Variants in IPO7 observed in about 807,000 individuals in gnomAD.
IPO7 encodes the protein importin-7.
In IPO7, 13 loss-of-function variants were observed where a neutral mutation model predicts 136.4. That is an observed-to-expected ratio of 0.10 (90% CI 0.06 to 0.15). The LOEUF (loss-of-function observed/expected upper bound fraction) is 0.15, where lower values mean the gene tolerates loss of function less well. Among genes scored for constraint, IPO7 ranks in the 10% least tolerant of loss-of-function variants. The pLI is 1.00. For synonymous variants in IPO7, 403 were observed against 404.4 expected, an observed-to-expected ratio of 1.00 and a Z score of 0.04; for missense variants, 857 against 1,240.6, an observed-to-expected ratio of 0.69 and a Z score of 4.65.
chr11:9,435,143 G>C, intron 19 of IPO7, 112 bp downstream of exon 19: 1 of 699,554 alleles, frequency 1.4e-6, no homozygotes, highest in Non-Finnish European at 2.5e-6. Context: ...ACATGGATCT[G>C]ACAGAATTAA....
chr11:9,407,421 G>T (rs1590433487), intron 2 of IPO7, among the ~76,000 whole-genome samples: 2 of 152,120 alleles, frequency 1.3e-5, no homozygotes, highest in East Asian at 3.9e-4. Context: ...GGGCATGGTG[G>T]TGCATGCCTG....
chr11:9,435,073 A>G (rs375820789), intron 19 of IPO7, 42 bp downstream of exon 19: 43 of 1,164,550 alleles, frequency 3.7e-5, no homozygotes, highest in Non-Finnish European at 4.7e-5. Flanking sequence ...GGCTTCTGCT[A>G]TAAAATGTAT....
At chr11:9,403,178 G>C (rs973644438) in intron 1 of IPO7, 112 bp from the exon 2 acceptor site, 2 of 725,660 alleles carry the variant, frequency 2.8e-6, no homozygotes, top group Non-Finnish European at 2.4e-6. Flanking sequence ...AACCAGTTAT[G>C]AAGAGCCTTT....
intron 8 of IPO7, 42 bp from the exon 9 acceptor site, chr11:9,422,964 T>G (rs1855155365): frequency 2.2e-6 from 3 of 1,358,552 alleles, no homozygotes; most frequent in Non-Finnish European, 3.0e-6. Context: ...GGTTGAAATT[T>G]CTATTTGAAC....
chr11:9,408,335 C>T, intron 2 of IPO7, 151 bp from the exon 3 acceptor site: 1 of 432,772 alleles, frequency 2.3e-6, no homozygotes, highest in East Asian at 3.7e-5. Context: ...GCATTATCAA[C>T]TTTAAAAATA....
chr11:9,411,682 G>A (rs1486491812), intron 4 of IPO7, among the ~76,000 whole-genome samples: 1 of 152,124 alleles, frequency 6.6e-6, no homozygotes, highest in African/African-American at 2.4e-5. Flanking sequence ...TAGTATTTAA[G>A]GATTTTCTAT....
At chr11:9,398,462 G>A (rs1014095121) in intron 1 of IPO7, among the ~76,000 whole-genome samples, 5 of 152,214 alleles carry the variant, frequency 3.3e-5, no homozygotes, top group Admixed American at 6.5e-5. Context: ...TGTTTAAGCC[G>A]AAACCCAAAG....
At chr11:9,397,725 GT>G (rs1182283569) in intron 1 of IPO7, among the ~76,000 whole-genome samples, 1 of 151,996 alleles carries the variant, frequency 6.6e-6, no homozygotes, top group African/African-American at 2.4e-5. Context: ...GCTATACATC[GT>G]TTACACCTTA....
chr11:9,411,800 A>G (rs1222936475), intron 4 of IPO7, among the ~76,000 whole-genome samples: 3 of 152,156 alleles, frequency 2.0e-5, no homozygotes, highest in Non-Finnish European at 4.4e-5. Flanking sequence ...GGTAGTAATA[A>G]GTTTGGTACC....
intron 1 of IPO7, among the ~76,000 whole-genome samples, chr11:9,396,568 A>G (rs1854711784): frequency 6.6e-6 from 1 of 151,904 alleles, no homozygotes; most frequent in Non-Finnish European, 1.5e-5. Flanking sequence ...CTTACCAGTC[A>G]CTCCGCATTC....
At chr11:9,397,361 T>TATATATATATATATATATATATAA (rs377148636) in intron 1 of IPO7, among the ~76,000 whole-genome samples, 2 of 42,282 alleles carry the variant, frequency 4.7e-5, no homozygotes, top group African/African-American at 1.1e-4. Flanking sequence ...TATATATATA[T>TATATATATATATATATATATATAA]ATATTAGTCG....
intron 4 of IPO7, among the ~76,000 whole-genome samples, chr11:9,413,287 G>T (rs1854994439): frequency 6.6e-6 from 1 of 151,984 alleles, no homozygotes; most frequent in South Asian, 2.1e-4. Context: ...ATAGCCTGTT[G>T]GTCACATTTT....
chr11:9,432,743 A>G (rs1359949953), intron 16 of IPO7, among the ~76,000 whole-genome samples: 1 of 152,158 alleles, frequency 6.6e-6, no homozygotes, highest in Non-Finnish European at 1.5e-5. Context: ...ATTTAGGACT[A>G]TCTAGACAAT....
At chr11:9,414,135 C>T in intron 4 of IPO7, 120 bp from the exon 5 acceptor site, 1 of 673,244 alleles carries the variant, frequency 1.5e-6, no homozygotes, top group African/African-American at 1.9e-5. Context: ...AGATATTTTT[C>T]TTTTTCTAAA....
At chr11:9,442,289 A>T in intron 24 of IPO7, 92 bp downstream of exon 24, 2 of 562,788 alleles carry the variant, frequency 3.6e-6, no homozygotes, top group Middle Eastern at 7.3e-4. Flanking sequence ...AAATTTTATC[A>T]TTTAAGATGA....
chr11:9,399,166 CTTT>C (rs1209158342), intron 1 of IPO7, among the ~76,000 whole-genome samples: 3 of 134,040 alleles, frequency 2.2e-5, no homozygotes. Flanking sequence ...AAAATGGATG[CTTT>C]TTTTTTTTTT....
chr11:9,414,176 T>G, intron 4 of IPO7, 79 bp from the exon 5 acceptor site: 1 of 1,027,564 alleles, frequency 9.7e-7, no homozygotes, highest in Non-Finnish European at 1.4e-6. Context: ...TATATTTGTG[T>G]AAATAAATGC....
At chr11:9,438,694 G>C (rs1855418682) in intron 22 of IPO7, among the ~76,000 whole-genome samples, 1 of 152,080 alleles carries the variant, frequency 6.6e-6, no homozygotes, top group African/African-American at 2.4e-5. Flanking sequence ...ATACCCAAAT[G>C]CTTTCATTCA....
intron 5 of IPO7, 167 bp downstream of exon 5, chr11:9,414,578 A>C: frequency 7.5e-6 from 3 of 397,936 alleles, no homozygotes; most frequent in Non-Finnish European, 1.4e-5. Context: ...AGTCTAAACA[A>C]GCATACTTCC....
Sources: gnomAD v4.1 joint callset for allele counts (sites outside exome capture counted in the v4.1 genomes callset) on GRCh38, gnomAD v4.1.1 for gene constraint, MANE v1.5 for transcripts, NCBI Gene and HGNC (gene_info 2026-07-23, HGNC 2026-07-21) for gene names.